The following ZBTB7C variants were observed in gnomAD, a reference collection of about 807,000 sequenced individuals.
The protein encoded by ZBTB7C is zinc finger and BTB domain-containing protein 7C.
Under a neutral mutation model 25.7 loss-of-function variants are expected in ZBTB7C, and 8 were observed. That is an observed-to-expected ratio of 0.31 (90% CI 0.18 to 0.56). The LOEUF is 0.56. Among genes scored for constraint, ZBTB7C ranks in the 20% least tolerant of loss-of-function variants. The probability of loss-of-function intolerance (pLI) is 0.91; values close to 1 mark genes in which losing one functional copy is unlikely to be tolerated. For synonymous variants in ZBTB7C, 394 were observed against 369.0 expected (o/e 1.07, Z -0.78); for missense variants, 824 against 855.2 (o/e 0.96, Z 0.46).
chr18:48,093,916 G>A (rs2038519050), intron 3 of ZBTB7C, among the ~76,000 whole-genome samples: 1 of 152,098 alleles, frequency 6.6e-6, no homozygotes, highest in Non-Finnish European at 1.5e-5. Context: ...AAAATTAGCT[G>A]GGCGTAGTGG....
chr18:48,123,381 T>G (rs979966168), intron 3 of ZBTB7C, among the ~76,000 whole-genome samples: 1 of 152,204 alleles, frequency 6.6e-6, no homozygotes, highest in South Asian at 2.1e-4. Context: ...CCCTTCAGGG[T>G]TGCAGAGAGC....
chr18:48,158,781 G>C lies in ZBTB7C; in HGVS notation c.-17+27153C>G, dbSNP rs146142170. 1.2e-3 allele frequency among the ~76,000 whole-genome samples: 190 copies of C among 152,366 alleles called. 4 individuals carry two copies. The highest frequency in any genetic ancestry group is 4.4e-3 in the African/African-American group (185 of 41,584). On this transcript the variant is annotated intron_variant, in intron 3 of 4. Transcript: ENST00000590800. ...GAGGATGGCAAGTGAAGCGTGTCAG[G>C]CATGGCCTTCTTCACCTCACCGCCC...
intron 2 of ZBTB7C, among the ~76,000 whole-genome samples, chr18:48,285,808 T>C (rs2144660176): frequency 6.6e-6 from 1 of 152,348 alleles, no homozygotes; most frequent in East Asian, 1.9e-4. Context: ...TGGGGTTCCA[T>C]TTTTTCAAGG....
chr18:48,096,438 C>T (rs751514171), intron 3 of ZBTB7C, among the ~76,000 whole-genome samples: 1 of 152,224 alleles, frequency 6.6e-6, no homozygotes, highest in Non-Finnish European at 1.5e-5. Context: ...AGGGTGGCCA[C>T]TGATTGCTTC....
intron 1 of ZBTB7C, among the ~76,000 whole-genome samples, chr18:48,393,039 T>A (rs943589251): frequency 3.9e-5 from 6 of 152,208 alleles, no homozygotes; most frequent in African/African-American, 1.2e-4. Context: ...TGTCTATTAG[T>A]GAGAACTGGA....
chr18:48,127,105 T>A (rs1233796880), intron 3 of ZBTB7C, among the ~76,000 whole-genome samples: 2 of 152,168 alleles, frequency 1.3e-5, no homozygotes, highest in Non-Finnish European at 2.9e-5. Flanking sequence ...AGTCTTCACA[T>A]CAACCCTAGG....
chr18:48,409,075 C>T (rs2048348248), intron 1 of ZBTB7C, among the ~76,000 whole-genome samples, 151 bp downstream of exon 1: 1 of 151,408 alleles, frequency 6.6e-6, no homozygotes, highest in African/African-American at 2.4e-5. Flanking sequence ...GGCCTCCTAG[C>T]AACGGCCCCC....
At chr18:48,081,603 A>G (rs2037989160) in intron 3 of ZBTB7C, among the ~76,000 whole-genome samples, 1 of 151,942 alleles carries the variant, frequency 6.6e-6, no homozygotes, top group Non-Finnish European at 1.5e-5. Flanking sequence ...TTTCTTTACA[A>G]TACCACCATC....
At chr18:48,139,889 C>A (rs1230533054) in intron 3 of ZBTB7C, among the ~76,000 whole-genome samples, 1 of 152,128 alleles carries the variant, frequency 6.6e-6, no homozygotes, top group Non-Finnish European at 1.5e-5. Flanking sequence ...CCTTCCTAGG[C>A]CCTCTTTGGC....
At chr18:48,202,461 G>A (rs2042475109) in intron 2 of ZBTB7C, among the ~76,000 whole-genome samples, 1 of 142,766 alleles carries the variant, frequency 7.0e-6, no homozygotes, top group Admixed American at 7.0e-5. Context: ...GACAGAAGGG[G>A]GACAAAACCA....
In ZBTB7C at chr18:48,157,936, T is replaced by G. The variant is rs912576605; in HGVS notation, c.-17+27998A>C. Among the ~76,000 whole-genome samples, 9 of 151,724 alleles carry G rather than the reference T, an allele frequency of 5.9e-5. No homozygotes were observed. The East Asian group carries it at 1.7e-3, about 29-fold the overall frequency. ...AATCCCACTCAATATCAACTAAGGG[T>G]GGTCATTTGGGGATGGAAAGAGGGA... On this transcript the variant is annotated intron_variant, in intron 3 of 4. Transcript: ENST00000590800.
chr18:48,063,407 C>A (rs2037199715), intron 3 of ZBTB7C, among the ~76,000 whole-genome samples: 1 of 152,222 alleles, frequency 6.6e-6, no homozygotes, highest in Non-Finnish European at 1.5e-5. Flanking sequence ...CACCTTAATA[C>A]TTCTGTGAGG....
chr18:48,341,664 G>C (rs750852832), intron 1 of ZBTB7C, among the ~76,000 whole-genome samples: 1 of 152,236 alleles, frequency 6.6e-6, no homozygotes, highest in Admixed American at 6.5e-5. Flanking sequence ...CAGGGCTACA[G>C]CATGCCGCTT....
chr18:48,142,265 T>C (rs953808911), intron 3 of ZBTB7C, among the ~76,000 whole-genome samples: 5 of 152,194 alleles, frequency 3.3e-5, no homozygotes, highest in Non-Finnish European at 5.9e-5. Flanking sequence ...CTGCAGGGGC[T>C]GGAAGGCAAG....
At chr18:48,163,616 TACAG>T (rs1395262335) in intron 3 of ZBTB7C, among the ~76,000 whole-genome samples, 1 of 152,204 alleles carries the variant, frequency 6.6e-6, no homozygotes, top group African/African-American at 2.4e-5. Context: ...CCAGCCCTCT[TACAG>T]ACAAAGAAAG....
intron 2 of ZBTB7C, among the ~76,000 whole-genome samples, chr18:48,288,528 C>T (rs1028939794): frequency 6.6e-6 from 1 of 150,660 alleles, no homozygotes; most frequent in Non-Finnish European, 1.5e-5. Context: ...TGGTTGTGGA[C>T]ACTTGTAATC....
chr18:48,207,615 A>ATCTG (rs2042607972), intron 2 of ZBTB7C, among the ~76,000 whole-genome samples: 1 of 135,174 alleles, frequency 7.4e-6, no homozygotes, highest in South Asian at 2.3e-4. Flanking sequence ...CTATCTATCT[A>ATCTG]TCCATCTAAA....
intron 2 of ZBTB7C, among the ~76,000 whole-genome samples, chr18:48,321,003 G>GTT (rs1381516389): frequency 6.6e-6 from 1 of 152,226 alleles, no homozygotes; most frequent in Admixed American, 6.5e-5. Flanking sequence ...GCCCAGGAAG[G>GTT]TTTAGGTTTT....
Position 48,041,032 on chromosome 18 carries a change from C to A in ZBTB7C, c.76G>T (p.Glu26Ter). 6.2e-7 allele frequency: 1 copy of A among 1,613,986 alleles called. No homozygotes were observed. The highest frequency in any genetic ancestry group is 1.1e-5 in the South Asian group (1 of 91,068). ...CACAGCAGGCCATCGTGCCGTTGCT[C>A]ATTGAGGCTGCACAGGACCTCACTG... ...HSSEVLCSLNEQRHDGLLCDV... is the reference protein window; with the variant it reads ...HSSEVLCSLN Residue 26 changes from glutamate to a stop codon, truncating the protein, a stop_gained, in exon 4 of 5, where the codon GAG becomes TAG. Transcript: ENST00000590800. LOFTEE classifies it high-confidence loss of function.
Sources: allele counts gnomAD v4.1 joint callset (sites outside exome capture counted in the v4.1 genomes callset), GRCh38; gene constraint gnomAD v4.1.1; transcripts MANE v1.5; gene names NCBI Gene and HGNC (gene_info 2026-07-23, HGNC 2026-07-21).